Variants in FOXP1 observed in about 807,000 individuals in gnomAD.
FOXP1 encodes forkhead box P1.
Under a neutral mutation model 98.2 loss-of-function variants are expected in FOXP1, and 15 were observed. The observed-to-expected ratio is 0.15, with a 90% CI of 0.10 to 0.24. FOXP1 has a LOEUF of 0.24. Among genes scored for constraint, FOXP1 ranks in the 10% least tolerant of loss-of-function variants. The pLI is 1.00. For synonymous variants in FOXP1, 371 were observed against 314.5 expected, an observed-to-expected ratio of 1.18 and a Z score of -1.90; for missense variants, 633 against 848.5, an observed-to-expected ratio of 0.75 and a Z score of 3.15.
chr3:71,476,651 C>T (rs1293004696), intron 3 of FOXP1, among the ~76,000 whole-genome samples: 2 of 143,744 alleles, frequency 1.4e-5, no homozygotes, highest in African/African-American at 5.1e-5. Context: ...CCATCATGCC[C>T]AGCTAATTTT....
chr3:71,184,321 G>A (rs1319790695), intron 6 of FOXP1, among the ~76,000 whole-genome samples: 3 of 152,084 alleles, frequency 2.0e-5, no homozygotes, highest in African/African-American at 7.2e-5. Context: ...CTCAGAATAG[G>A]GTGTACAAAT....
intron 3 of FOXP1, among the ~76,000 whole-genome samples, chr3:71,373,410 T>G (rs939602024): frequency 6.6e-6 from 1 of 152,188 alleles, no homozygotes; most frequent in Non-Finnish European, 1.5e-5. Context: ...CCAAATGACA[T>G]GAGTTGTACC....
rs549581907 is a variant in FOXP1 at position 71,435,134 on chromosome 3, G to A, written c.-168+58292C>T. ...CTTCAAGACAAAAGGGAAGGTGGAC[G>A]TTGAGGATGAGGAGGAGAGGAAGGA... is the stretch of plus-strand genomic sequence containing the variant. On this transcript the variant is annotated intron_variant, in intron 3 of 20. Transcript: ENST00000649528. Among the ~76,000 whole-genome samples the A allele has an allele frequency of 5.5e-5, 8 of 145,266 alleles. No homozygotes were observed. In the East Asian group the frequency reaches 8.3e-4, roughly 15 times the overall value.
chr3:71,354,223 A>T (rs904387493), intron 4 of FOXP1, among the ~76,000 whole-genome samples: 12 of 151,804 alleles, frequency 7.9e-5, no homozygotes, highest in Non-Finnish European at 5.9e-5. Context: ...GGTTATGGTG[A>T]GCTGAGATTG....
rs562129441 is a variant in FOXP1 at position 71,225,259 on chromosome 3, C to T, written c.-11-26867G>A. 1.6e-3 allele frequency among the ~76,000 whole-genome samples: 238 copies of T among 152,324 alleles called. 1 individual carries two copies. Among genetic ancestry groups the T allele is most frequent in the African/African-American group, 5.1e-3 (212 of 41,584 alleles). On this transcript the variant is annotated intron_variant, in intron 5 of 20. Coordinates refer to ENST00000649528, the MANE Select transcript of FOXP1 (RefSeq NM_001349338.3). ...TCAATCCCCTTTGCCTGGATAGCCA[C>T]AGTTCAGAAGTGGCTCAATCTGATC...
At chr3:71,384,808 T>G (rs1257320699) in intron 3 of FOXP1, among the ~76,000 whole-genome samples, 1 of 152,158 alleles carries the variant, frequency 6.6e-6, no homozygotes, top group Non-Finnish European at 1.5e-5. Context: ...ATTTAGGAAA[T>G]GGCCATGTAA....
intron 2 of FOXP1, among the ~76,000 whole-genome samples, chr3:71,558,145 T>C (rs1158822690): frequency 6.6e-6 from 1 of 152,196 alleles, no homozygotes; most frequent in African/African-American, 2.4e-5. Context: ...CAGAGAATCT[T>C]CCTTCCCTCC....
At chr3:71,041,304 C>T (rs2106868544) in intron 11 of FOXP1, 24 bp downstream of exon 11, 2 of 1,605,780 alleles carry the variant, frequency 1.2e-6, no homozygotes, top group Non-Finnish European at 8.5e-7. Context: ...CAGTTTTGGA[C>T]CCATCTCAGT....
intron 7 of FOXP1, among the ~76,000 whole-genome samples, chr3:71,077,512 G>GAACGCACATACACAC (rs2053922297): frequency 6.6e-6 from 1 of 152,096 alleles, no homozygotes; most frequent in African/African-American, 2.4e-5. Flanking sequence ...TTTTTAACAG[G>GAACGCACATACACAC]AACGCACATA....
At chr3:71,136,400 G>A (rs1575956749) in intron 6 of FOXP1, among the ~76,000 whole-genome samples, 3 of 152,192 alleles carry the variant, frequency 2.0e-5, no homozygotes, top group Admixed American at 6.5e-5. Context: ...TTCATGAGCT[G>A]TTCTTCCAAG....
intron 9 of FOXP1, among the ~76,000 whole-genome samples, chr3:71,051,651 A>C (rs1333373962): frequency 2.0e-5 from 3 of 152,222 alleles, no homozygotes; most frequent in Non-Finnish European, 4.4e-5. Flanking sequence ...ACTTAAACAA[A>C]AAGAATTTTC....
intron 3 of FOXP1, among the ~76,000 whole-genome samples, chr3:71,482,310 C>T (rs183813992): frequency 6.6e-6 from 1 of 151,464 alleles, no homozygotes; most frequent in Non-Finnish European, 1.5e-5. Flanking sequence ...ACTTGAAGTG[C>T]TAAGTTTATT....
At chr3:71,130,436 C>A in intron 6 of FOXP1, 1 of 1,524,566 alleles carries the variant, frequency 6.6e-7, no homozygotes, top group South Asian at 1.1e-5. Flanking sequence ...TGCACAAGAA[C>A]GGATCCCTAG....
At chr3:71,041,270 C>T (rs562672391) in intron 11 of FOXP1, 58 bp downstream of exon 11, 4 of 1,423,506 alleles carry the variant, frequency 2.8e-6, no homozygotes, top group South Asian at 2.3e-5. Context: ...GAGGCAGGGC[C>T]ACCCACCCCT....
intron 2 of FOXP1, among the ~76,000 whole-genome samples, chr3:71,512,487 T>A (rs1055529143): frequency 6.6e-6 from 1 of 152,112 alleles, no homozygotes; most frequent in Non-Finnish European, 1.5e-5. Context: ...AAGCACCATA[T>A]GCATGTTCCT....
intron 3 of FOXP1, among the ~76,000 whole-genome samples, chr3:71,362,571 G>T (rs1420851411): frequency 6.6e-6 from 1 of 152,208 alleles, no homozygotes; most frequent in Non-Finnish European, 1.5e-5. Flanking sequence ...CCAGGCTCAA[G>T]CCATCCTCCC....
intron 6 of FOXP1, among the ~76,000 whole-genome samples, chr3:71,162,692 T>C (rs924723509): frequency 3.3e-5 from 5 of 152,134 alleles, no homozygotes; most frequent in Non-Finnish European, 5.9e-5. Context: ...GCCCCACCCA[T>C]TGTTACTTGC....
chr3:71,545,533 T>G (rs1160199974), intron 2 of FOXP1, among the ~76,000 whole-genome samples: 2 of 152,244 alleles, frequency 1.3e-5, no homozygotes, highest in Non-Finnish European at 2.9e-5. Flanking sequence ...ATACACATGC[T>G]GAAGGACTGA....
chr3:71,317,454 T>C (rs2075141619), intron 4 of FOXP1, among the ~76,000 whole-genome samples: 1 of 152,068 alleles, frequency 6.6e-6, no homozygotes, highest in African/African-American at 2.4e-5. Context: ...TAACTAAGAA[T>C]TTAAGTAAAT....
Sources: allele counts gnomAD v4.1 joint callset (sites outside exome capture counted in the v4.1 genomes callset), GRCh38; gene constraint gnomAD v4.1.1; transcripts MANE v1.5; gene names NCBI Gene and HGNC (gene_info 2026-07-23, HGNC 2026-07-21).